PLCXD3: variants seen among roughly 807,000 people sequenced by gnomAD.
The protein encoded by PLCXD3 is phosphatidylinositol specific phospholipase C X domain containing 3, also known as PI-PLC X domain-containing protein 3.
In PLCXD3, 19 loss-of-function variants were observed where a neutral mutation model predicts 25.5. That is an observed-to-expected ratio of 0.75 (90% CI 0.52 to 1.09). The LOEUF (loss-of-function observed/expected upper bound fraction) is 1.09. Among genes scored for constraint, PLCXD3 ranks in the 50% least tolerant of loss-of-function variants. The pLI, the probability that PLCXD3 is intolerant of heterozygous loss-of-function variation, is 0.00. For synonymous variants in PLCXD3, 174 were observed against 137.6 expected (o/e 1.26, Z -1.85); for missense variants, 411 against 388.1 (o/e 1.06, Z -0.50).
chr5:41,472,551 C>G (rs756303331), intron 1 of PLCXD3, among the ~76,000 whole-genome samples: 4 of 152,104 alleles, frequency 2.6e-5, no homozygotes, highest in Non-Finnish European at 5.9e-5. Flanking sequence ...TTTTAAAGTC[C>G]TTGAATAATT....
At chr5:41,323,229 G>A (rs1743528114) in intron 2 of PLCXD3, among the ~76,000 whole-genome samples, 1 of 152,126 alleles carries the variant, frequency 6.6e-6, no homozygotes, top group Admixed American at 6.5e-5. Context: ...GAAGCATAGT[G>A]GGAGAGCTAT....
intron 1 of PLCXD3, among the ~76,000 whole-genome samples, chr5:41,471,283 A>T (rs1036810399): frequency 2.0e-5 from 3 of 152,218 alleles, no homozygotes; most frequent in Non-Finnish European, 4.4e-5. Context: ...TTGAATTGCC[A>T]ATGCCACCTT....
At chr5:41,487,362 T>G (rs1454087127) in intron 1 of PLCXD3, among the ~76,000 whole-genome samples, 1 of 152,216 alleles carries the variant, frequency 6.6e-6, no homozygotes, top group Non-Finnish European at 1.5e-5. Flanking sequence ...TTTTGGGTTC[T>G]CTTTCTCTTA....
chr5:41,351,388 A>G (rs1744455321), intron 2 of PLCXD3, among the ~76,000 whole-genome samples: 1 of 152,276 alleles, frequency 6.6e-6, no homozygotes, highest in Admixed American at 6.5e-5. Flanking sequence ...CCATCATTGT[A>G]TTCCCAGACC....
intron 2 of PLCXD3, among the ~76,000 whole-genome samples, chr5:41,350,773 C>A (rs1030233929): frequency 6.6e-6 from 1 of 152,100 alleles, no homozygotes; most frequent in Non-Finnish European, 1.5e-5. Context: ...TTATTTTTCC[C>A]AGGAAGTTAC....
At chr5:41,470,448 G>A (rs1156704686) in intron 1 of PLCXD3, among the ~76,000 whole-genome samples, 1 of 152,170 alleles carries the variant, frequency 6.6e-6, no homozygotes, top group Non-Finnish European at 1.5e-5. Context: ...GTGGAAATTA[G>A]TAGAGCATCA....
chr5:41,443,422 C>A (rs910354997), intron 1 of PLCXD3, among the ~76,000 whole-genome samples: 2 of 152,068 alleles, frequency 1.3e-5, no homozygotes, highest in African/African-American at 4.8e-5. Context: ...AATTGCCTAA[C>A]AATGTATTTC....
intron 1 of PLCXD3, among the ~76,000 whole-genome samples, chr5:41,431,128 C>CT (rs1216613753): frequency 6.6e-6 from 1 of 152,204 alleles, no homozygotes; most frequent in Non-Finnish European, 1.5e-5. Context: ...ATTTTCTGGG[C>CT]TGACCTCATC....
intron 1 of PLCXD3, among the ~76,000 whole-genome samples, chr5:41,386,343 A>G (rs1745634034): frequency 1.3e-5 from 2 of 152,108 alleles, no homozygotes; most frequent in South Asian, 4.1e-4. Context: ...ACCAAATGGC[A>G]CATAGCATCA....
chr5:41,352,225 T>A (rs939251538), intron 2 of PLCXD3, among the ~76,000 whole-genome samples: 1 of 152,186 alleles, frequency 6.6e-6, no homozygotes, highest in East Asian at 1.9e-4. Context: ...CTCCCCCATA[T>A]GAGTTTAGTT....
chr5:41,390,366 G>A (rs1488501396), intron 1 of PLCXD3, among the ~76,000 whole-genome samples: 1 of 151,900 alleles, frequency 6.6e-6, no homozygotes, highest in East Asian at 1.9e-4. Flanking sequence ...CATTATTATT[G>A]CATAACTCCA....
At chr5:41,448,285 A>C (rs1747551125) in intron 1 of PLCXD3, among the ~76,000 whole-genome samples, 1 of 152,188 alleles carries the variant, frequency 6.6e-6, no homozygotes, top group South Asian at 2.1e-4. Context: ...GAGAAGGATG[A>C]AAAAGCCACC....
intron 1 of PLCXD3, among the ~76,000 whole-genome samples, chr5:41,467,229 T>C (rs192790380): frequency 2.8e-4 from 42 of 152,298 alleles, no homozygotes; most frequent in African/African-American, 9.4e-4. Context: ...ACTTTCATCA[T>C]TTTTGTTAAA....
intron 1 of PLCXD3, among the ~76,000 whole-genome samples, chr5:41,469,072 G>C (rs979200293): frequency 6.6e-6 from 1 of 152,080 alleles, no homozygotes; most frequent in Non-Finnish European, 1.5e-5. Context: ...TCTGCTGAGA[G>C]GTTTTATCAT....
chr5:41,356,766 G>A (rs1003837054), intron 2 of PLCXD3, among the ~76,000 whole-genome samples: 1 of 152,090 alleles, frequency 6.6e-6, no homozygotes, highest in Non-Finnish European at 1.5e-5. Flanking sequence ...GATAAAACAC[G>A]TATTTTCCCT....
intron 1 of PLCXD3, among the ~76,000 whole-genome samples, chr5:41,421,654 T>C (rs1746827873): frequency 6.6e-6 from 1 of 152,114 alleles, no homozygotes; most frequent in South Asian, 2.1e-4. Flanking sequence ...TGAGCCGAGA[T>C]TGCGCTACTG....
chr5:41,329,883 A>G (rs1168298981), intron 2 of PLCXD3, among the ~76,000 whole-genome samples: 2 of 150,764 alleles, frequency 1.3e-5, no homozygotes, highest in East Asian at 3.9e-4. Context: ...TTAGAAATGT[A>G]TTATAAATCC....
chr5:41,390,499 C>G (rs546542340), intron 1 of PLCXD3, among the ~76,000 whole-genome samples: 56 of 152,246 alleles, frequency 3.7e-4, no homozygotes, highest in Non-Finnish European at 7.6e-4. Flanking sequence ...AGTTACTCCA[C>G]ATGGTACCAA....
chr5:41,462,491 G>T (rs1393795999), intron 1 of PLCXD3, among the ~76,000 whole-genome samples: 1 of 151,944 alleles, frequency 6.6e-6, no homozygotes, highest in Non-Finnish European at 1.5e-5. Flanking sequence ...CAATACTATA[G>T]GAGTAATTAC....
Sources: gnomAD v4.1 joint callset for allele counts (sites outside exome capture counted in the v4.1 genomes callset) on GRCh38, gnomAD v4.1.1 for gene constraint, MANE v1.5 for transcripts, NCBI Gene and HGNC (gene_info 2026-07-23, HGNC 2026-07-21) for gene names.